SDC2: variants seen among roughly 807,000 people sequenced by gnomAD.
SDC2 encodes the protein syndecan-2.
Under a neutral mutation model 22.2 loss-of-function variants are expected in SDC2, and 13 were observed. The observed-to-expected ratio is 0.59, with a 90% CI of 0.38 to 0.93. The LOEUF (loss-of-function observed/expected upper bound fraction) is 0.93. SDC2 is among the 40% of genes least tolerant of loss of function. The pLI, the probability that SDC2 is intolerant of heterozygous loss-of-function variation, is 0.00. For missense variants in SDC2, 235 were observed against 246.8 expected (o/e 0.95, Z 0.32); for synonymous variants, 94 against 92.8 (o/e 1.01, Z -0.07).
At chr8:96,585,983 G>GC (rs1814680196) in intron 1 of SDC2, among the ~76,000 whole-genome samples, 1 of 151,902 alleles carries the variant, frequency 6.6e-6, no homozygotes, top group Non-Finnish European at 1.5e-5. Context: ...CTGCTCTGAA[G>GC]CAAGTTTAGT....
At chr8:96,595,546 C>A (rs974259722) in intron 2 of SDC2, among the ~76,000 whole-genome samples, 2 of 151,360 alleles carry the variant, frequency 1.3e-5, no homozygotes, top group Non-Finnish European at 2.9e-5. Context: ...TTGTAACTGT[C>A]ATCTTCAATA....
chr8:96,582,425 A>T (rs1814603806), intron 1 of SDC2, among the ~76,000 whole-genome samples: 1 of 152,186 alleles, frequency 6.6e-6, no homozygotes, highest in Admixed American at 6.5e-5. Context: ...TTCAGCTTTG[A>T]AATTGGTGGT....
chr8:96,569,061 G>A (rs1814347301), intron 1 of SDC2, among the ~76,000 whole-genome samples: 1 of 152,194 alleles, frequency 6.6e-6, no homozygotes, highest in South Asian at 2.1e-4. Context: ...CCAGGCTAGA[G>A]TACAGTGGCA....
chr8:96,523,324 T>G (rs1024110190), intron 1 of SDC2, among the ~76,000 whole-genome samples: 1 of 152,200 alleles, frequency 6.6e-6, no homozygotes, highest in African/African-American at 2.4e-5. Flanking sequence ...TCATGAATCC[T>G]TTAGATTTCT....
chr8:96,511,169 A>C lies in SDC2; in HGVS notation c.60+16838A>C, dbSNP rs186094222. On this transcript the variant is annotated intron_variant, in intron 1 of 4. Coordinates refer to ENST00000302190, the MANE Select transcript of SDC2 (RefSeq NM_002998.4). ...TCCTTCTGCATGCTAACGTTCGAGAACCTCTGAGCTACGGTTCTCACCTTG... is the reference window on the plus strand; with the variant it reads ...TCCTTCTGCATGCTAACGTTCGAGACCCTCTGAGCTACGGTTCTCACCTTG... Among the ~76,000 whole-genome samples, 33 of 152,200 alleles carry C rather than the reference A, an allele frequency of 2.2e-4. 1 individual carries two copies. Among genetic ancestry groups the C allele is most frequent in the African/African-American group, 6.7e-4 (28 of 41,524 alleles).
At chr8:96,597,483 A>C (rs752448938) in intron 2 of SDC2, among the ~76,000 whole-genome samples, 10 of 152,220 alleles carry the variant, frequency 6.6e-5, no homozygotes, top group Non-Finnish European at 1.0e-4. Flanking sequence ...TTCCCTCTTC[A>C]ATATAAACAG....
In SDC2 at chr8:96,508,117, A is replaced by G. The variant is rs539147470; in HGVS notation, c.60+13786A>G. ...CAAGACCATCTTGGCTAACACAGTG[A>G]AACGCCATCTCTACTAAAAATACAA... On this transcript the variant is annotated intron_variant, in intron 1 of 4. Coordinates refer to ENST00000302190, the MANE Select transcript of SDC2 (RefSeq NM_002998.4). Among the ~76,000 whole-genome samples, 530 of 152,280 alleles carry G rather than the reference A, an allele frequency of 3.5e-3. 4 individuals carry two copies. Among genetic ancestry groups the G allele is most frequent in the Non-Finnish European group, 5.9e-3 (403 of 68,014 alleles).
intron 1 of SDC2, among the ~76,000 whole-genome samples, chr8:96,502,475 A>C (rs1813181415): frequency 1.1e-5 from 1 of 93,588 alleles, no homozygotes; most frequent in Non-Finnish European, 2.7e-5. Flanking sequence ...TTCTAGATAG[A>C]AGACTACATG....
chr8:96,594,375 G>T (rs1305508666), intron 2 of SDC2, among the ~76,000 whole-genome samples: 1 of 152,076 alleles, frequency 6.6e-6, no homozygotes, highest in Non-Finnish European at 1.5e-5. Context: ...AGCAGACTTG[G>T]GTTCTGTTCG....
At chr8:96,533,532 C>T (rs535558225) in intron 1 of SDC2, among the ~76,000 whole-genome samples, 8 of 151,774 alleles carry the variant, frequency 5.3e-5, no homozygotes, top group South Asian at 4.1e-4. Context: ...CTTAGCTAGA[C>T]GTAAAGGTTC....
At chr8:96,573,544 C>T (rs138287586) in intron 1 of SDC2, among the ~76,000 whole-genome samples, 13 of 152,120 alleles carry the variant, frequency 8.5e-5, no homozygotes, top group Admixed American at 3.9e-4. Flanking sequence ...AGGACAGCAG[C>T]GACTATTGTC....
intron 1 of SDC2, among the ~76,000 whole-genome samples, chr8:96,510,147 T>C (rs1427419264): frequency 6.6e-6 from 1 of 152,150 alleles, no homozygotes; most frequent in African/African-American, 2.4e-5. Context: ...TTTGCCTGAG[T>C]TCATACTTTG....
At chr8:96,572,582 A>T (rs1239123383) in intron 1 of SDC2, among the ~76,000 whole-genome samples, 1 of 152,064 alleles carries the variant, frequency 6.6e-6, no homozygotes, top group East Asian at 1.9e-4. Context: ...GGTGCTGTGT[A>T]AGCTAATTTG....
At chr8:96,501,025 T>C (rs1474286731) in intron 1 of SDC2, among the ~76,000 whole-genome samples, 2 of 152,178 alleles carry the variant, frequency 1.3e-5, no homozygotes, top group African/African-American at 4.8e-5. Context: ...GGAAAAATGT[T>C]ATTAAAGACA....
intron 2 of SDC2, 95 bp downstream of exon 2, chr8:96,593,686 A>C: frequency 1.2e-6 from 1 of 805,210 alleles, no homozygotes; most frequent in Non-Finnish European, 2.1e-6. Flanking sequence ...GGCAGGATGC[A>C]CAGTGGTTAA....
intron 1 of SDC2, among the ~76,000 whole-genome samples, chr8:96,498,665 AT>A (rs1813112926): frequency 6.6e-6 from 1 of 151,874 alleles, no homozygotes; most frequent in East Asian, 1.9e-4. Context: ...TAAATTTTGT[AT>A]TTTTAGTAGG....
intron 1 of SDC2, among the ~76,000 whole-genome samples, chr8:96,559,930 A>G (rs1483216373): frequency 6.6e-6 from 1 of 152,214 alleles, no homozygotes; most frequent in African/African-American, 2.4e-5. Flanking sequence ...AAATGACAAA[A>G]TATCAATAAT....
intron 3 of SDC2, 66 bp from the exon 4 acceptor site, chr8:96,608,269 C>G: frequency 6.6e-7 from 1 of 1,519,718 alleles, no homozygotes; most frequent in Non-Finnish European, 8.9e-7. Flanking sequence ...ATATACTCAT[C>G]TATTATTTCT....
At chr8:96,538,387 A>G (rs1813788177) in intron 1 of SDC2, among the ~76,000 whole-genome samples, 1 of 132,452 alleles carries the variant, frequency 7.5e-6, no homozygotes, top group African/African-American at 2.6e-5. Context: ...TAACTATTTC[A>G]AACAAAAGTA....
Sources: gnomAD v4.1 joint callset for allele counts (sites outside exome capture counted in the v4.1 genomes callset) on GRCh38, gnomAD v4.1.1 for gene constraint, MANE v1.5 for transcripts, NCBI Gene and HGNC (gene_info 2026-07-23, HGNC 2026-07-21) for gene names.